ROR1: variants seen among roughly 807,000 people sequenced by gnomAD.
ROR1 encodes inactive tyrosine-protein kinase transmembrane receptor ROR1.
Under a neutral mutation model 78.8 loss-of-function variants are expected in ROR1, and 19 were observed. The observed-to-expected ratio is 0.24, with a 90% CI of 0.17 to 0.35. The LOEUF is 0.35. ROR1 is among the 10% of genes least tolerant of loss of function. The pLI is 1.00. For synonymous variants in ROR1, 386 were observed against 433.6 expected, an observed-to-expected ratio of 0.89 and a Z score of 1.36; for missense variants, 917 against 1,177.8, an observed-to-expected ratio of 0.78 and a Z score of 3.24.
chr1:64,075,444 C>T (rs1451066697), intron 4 of ROR1, among the ~76,000 whole-genome samples: 1 of 152,116 alleles, frequency 6.6e-6, no homozygotes, highest in Non-Finnish European at 1.5e-5. Flanking sequence ...GAAGCTTCTT[C>T]ATAGGGGTTT....
intron 2 of ROR1, among the ~76,000 whole-genome samples, chr1:64,017,433 C>T (rs972429601): frequency 2.0e-5 from 3 of 152,082 alleles, no homozygotes; most frequent in South Asian, 2.1e-4. Flanking sequence ...TAGGGAAAGG[C>T]ATTGGCAAGA....
intron 1 of ROR1, among the ~76,000 whole-genome samples, chr1:63,814,719 C>G (rs900495747): frequency 1.3e-5 from 2 of 152,046 alleles, no homozygotes; most frequent in Non-Finnish European, 2.9e-5. Flanking sequence ...CTAATGCCAC[C>G]ACTGATCTGA....
At chr1:63,990,749 A>C (rs1399069917) in intron 1 of ROR1, among the ~76,000 whole-genome samples, 1 of 152,186 alleles carries the variant, frequency 6.6e-6, no homozygotes, top group Admixed American at 6.5e-5. Context: ...ATGTGTTTAC[A>C]TTAAAAAAAG....
chr1:63,878,281 C>G (rs147658511), intron 1 of ROR1, among the ~76,000 whole-genome samples: 98 of 152,252 alleles, frequency 6.4e-4, no homozygotes, highest in African/African-American at 2.3e-3. Flanking sequence ...CCAAATATCC[C>G]TGAGTATTTG....
chr1:63,940,141 A>G (rs1037670929), intron 1 of ROR1, among the ~76,000 whole-genome samples: 4 of 152,134 alleles, frequency 2.6e-5, no homozygotes, highest in South Asian at 2.1e-4. Context: ...TCATTCAGTC[A>G]TTTGAGCAAC....
At chr1:63,899,382 C>A (rs1000548870) in intron 1 of ROR1, among the ~76,000 whole-genome samples, 2 of 152,172 alleles carry the variant, frequency 1.3e-5, no homozygotes, top group Non-Finnish European at 1.5e-5. Flanking sequence ...AATCTTTTGC[C>A]TTTTCTTTCC....
At chr1:63,921,949 G>A (rs1202862836) in intron 1 of ROR1, among the ~76,000 whole-genome samples, 2 of 152,176 alleles carry the variant, frequency 1.3e-5, no homozygotes, top group East Asian at 3.8e-4. Context: ...GCAGTAGGCA[G>A]GAAAGAGGGG....
intron 4 of ROR1, among the ~76,000 whole-genome samples, chr1:64,103,504 A>C (rs1373983866): frequency 6.6e-6 from 1 of 152,174 alleles, no homozygotes; most frequent in East Asian, 1.9e-4. Flanking sequence ...CTTAAAAAAT[A>C]TATAATTGCC....
intron 1 of ROR1, among the ~76,000 whole-genome samples, chr1:63,996,100 C>T (rs1194652228): frequency 6.6e-6 from 1 of 152,084 alleles, no homozygotes. Flanking sequence ...GAGTTTGGTG[C>T]AACATTGATA....
At chr1:63,948,507 C>T (rs1240240373) in intron 1 of ROR1, among the ~76,000 whole-genome samples, 3 of 152,062 alleles carry the variant, frequency 2.0e-5, no homozygotes, top group African/African-American at 7.2e-5. Context: ...ATTTGCTCAC[C>T]ACCATATTCC....
At chr1:63,855,654 C>CTT (rs541445354) in intron 1 of ROR1, among the ~76,000 whole-genome samples, 1 of 144,184 alleles carries the variant, frequency 6.9e-6, no homozygotes. Context: ...TGATGTAGCT[C>CTT]TTTTTTTTTT....
At chr1:64,156,975 G>C (rs1649793494) in intron 7 of ROR1, among the ~76,000 whole-genome samples, 1 of 152,134 alleles carries the variant, frequency 6.6e-6, no homozygotes, top group Non-Finnish European at 1.5e-5. Flanking sequence ...TAACCACTCT[G>C]TCTTCCAGCA....
chr1:63,863,460 A>G (rs966382028), intron 1 of ROR1, among the ~76,000 whole-genome samples: 41 of 152,298 alleles, frequency 2.7e-4, no homozygotes, highest in African/African-American at 9.6e-4. Flanking sequence ...CAGGTTTCCC[A>G]GCTGCACATT....
intron 7 of ROR1, among the ~76,000 whole-genome samples, chr1:64,147,428 G>C (rs1649504730): frequency 6.6e-6 from 1 of 152,004 alleles, no homozygotes; most frequent in Non-Finnish European, 1.5e-5. Context: ...TTCAAGCCAA[G>C]CCACGAATAT....
chr1:64,158,614 G>A (rs1416454930), intron 7 of ROR1, among the ~76,000 whole-genome samples: 1 of 152,194 alleles, frequency 6.6e-6, no homozygotes, highest in Non-Finnish European at 1.5e-5. Context: ...GAGCCCTGTG[G>A]TCCACATTAA....
chr1:64,032,523 C>T (rs1378579171), intron 2 of ROR1, among the ~76,000 whole-genome samples: 1 of 152,122 alleles, frequency 6.6e-6, no homozygotes, highest in African/African-American at 2.4e-5. Context: ...GCTTAACAGA[C>T]ATGACCCAAA....
intron 2 of ROR1, among the ~76,000 whole-genome samples, chr1:64,033,127 C>T (rs1029937913): frequency 1.3e-5 from 2 of 152,122 alleles, no homozygotes; most frequent in African/African-American, 4.8e-5. Context: ...CGTTTTGTCA[C>T]GTATATTTTA....
At chr1:64,160,408 T>C (rs1005746367) in intron 8 of ROR1, among the ~76,000 whole-genome samples, 4 of 152,168 alleles carry the variant, frequency 2.6e-5, no homozygotes, top group Admixed American at 2.6e-4. Context: ...AGTGTATATA[T>C]TCTGTATTCA....
At chr1:64,108,663 A>G (rs538612586) in intron 4 of ROR1, among the ~76,000 whole-genome samples, 1 of 152,238 alleles carries the variant, frequency 6.6e-6, no homozygotes, top group East Asian at 1.9e-4. Flanking sequence ...TAACACACAC[A>G]CACACCAATA....
Sources: allele counts gnomAD v4.1 joint callset (sites outside exome capture counted in the v4.1 genomes callset), GRCh38; gene constraint gnomAD v4.1.1; transcripts MANE v1.5; gene names NCBI Gene and HGNC (gene_info 2026-07-23, HGNC 2026-07-21).